Variants in ST14 observed in about 807,000 individuals in gnomAD.
ST14 encodes the protein ST14 transmembrane serine protease matriptase, also known as suppressor of tumorigenicity 14 protein.
Under a neutral mutation model 96.5 loss-of-function variants are expected in ST14, and 40 were observed. The observed-to-expected ratio is 0.41, with a 90% CI of 0.32 to 0.54. The LOEUF (loss-of-function observed/expected upper bound fraction) is 0.54, where lower values mean the gene tolerates loss of function less well. Ranked by LOEUF, ST14 falls within the 20% of genes least tolerant of loss-of-function variation. The pLI, the probability that ST14 is intolerant of heterozygous loss-of-function variation, is 0.17. For synonymous variants in ST14, 506 were observed against 492.1 expected, an observed-to-expected ratio of 1.03 and a Z score of -0.37; for missense variants, 1,066 against 1,188.9, an observed-to-expected ratio of 0.90 and a Z score of 1.52.
chr11:130,176,630 C>T (rs1302991238), intron 1 of ST14, among the ~76,000 whole-genome samples: 1 of 151,878 alleles, frequency 6.6e-6, no homozygotes, highest in Non-Finnish European at 1.5e-5. Flanking sequence ...CCTCATGATC[C>T]GCCTGCCTCG....
chr11:130,201,620 C>A (rs1953429363), intron 16 of ST14, among the ~76,000 whole-genome samples: 1 of 152,254 alleles, frequency 6.6e-6, no homozygotes. Flanking sequence ...ACTGTGTCAC[C>A]CAGGCTGAAG....
At chr11:130,179,032 G>A (rs1953166270) in intron 1 of ST14, among the ~76,000 whole-genome samples, 1 of 152,190 alleles carries the variant, frequency 6.6e-6, no homozygotes, top group Non-Finnish European at 1.5e-5. Context: ...CTTCATCCCA[G>A]GTGGTTGCTC....
intron 4 of ST14, 91 bp from the exon 5 acceptor site, chr11:130,189,648 C>T (rs919782435): frequency 6.4e-7 from 1 of 1,562,766 alleles, no homozygotes; most frequent in Admixed American, 1.7e-5. Flanking sequence ...CAGGTGTGCC[C>T]CGAGCCGCCC....
intron 1 of ST14, among the ~76,000 whole-genome samples, chr11:130,176,957 C>A (rs899258737): frequency 3.3e-5 from 5 of 151,474 alleles, no homozygotes; most frequent in African/African-American, 1.2e-4. Flanking sequence ...TACTACCGCA[C>A]CTGGCTAATT....
In ST14 at chr11:130,196,431, G is replaced by A; in HGVS notation, c.1206G>A (p.Val402=). 1 of 1,609,156 alleles carries A rather than the reference G, an allele frequency of 6.2e-7. No homozygotes were observed. The change falls in exon 10 of 19, where the codon GTG becomes GTA. Residue 402 remains valine, a synonymous_variant. Transcript: ENST00000278742. ...VPAGTCPKDY[V]EINGEKYCGE... ...CGGGCACCTGCCCCAAGGACTACGT[G>A]GAGATCAACGGGGAGAAGTGAGTCC... is the stretch of plus-strand genomic sequence containing the variant.
Position 130,208,527 on chromosome 11 carries a change from T to A in ST14, c.2112T>A (p.Asn704Lys), listed in dbSNP as rs147580389. 1.2e-6 allele frequency: 2 copies of A among 1,614,088 alleles called. No individual in the cohort carries two copies. Among genetic ancestry groups the A allele is most frequent in the African/African-American group, 2.7e-5 (2 of 74,942 alleles). ...GCATCATCTCCCACCCCTTCTTCAA[T>A]GACTTCACCTTCGACTATGACATCG... ...LKRIISHPFF[N>K]DFTFDYDIAL... The change falls in exon 17 of 19, where the codon AAT (asparagine) becomes AAA (lysine). Residue 704 changes from asparagine to lysine, a missense_variant. Transcript: ENST00000278742.
intron 1 of ST14, among the ~76,000 whole-genome samples, chr11:130,173,894 C>G (rs150969060): frequency 0.019 from 2,905 of 152,348 alleles, 31 homozygotes; most frequent in Non-Finnish European, 0.031. Context: ...GTTTACCCCA[C>G]AAGACCAGAG....
chr11:130,178,773 C>T (rs1486764335), intron 1 of ST14, among the ~76,000 whole-genome samples: 1 of 152,184 alleles, frequency 6.6e-6, no homozygotes, highest in African/African-American at 2.4e-5. Context: ...TGTTTTCCAG[C>T]AGCTCCTTCT....
intron 1 of ST14, among the ~76,000 whole-genome samples, chr11:130,178,323 C>T (rs1488209388): frequency 6.6e-6 from 1 of 152,204 alleles, no homozygotes; most frequent in Non-Finnish European, 1.5e-5. Flanking sequence ...ATGCTGGGTG[C>T]TTATCACGAA....
intron 1 of ST14, among the ~76,000 whole-genome samples, chr11:130,179,086 G>A (rs1953166850): frequency 6.6e-6 from 1 of 152,164 alleles, no homozygotes; most frequent in African/African-American, 2.4e-5. Context: ...TCCTCCTGGT[G>A]ACAGGAAGGG....
intron 1 of ST14, among the ~76,000 whole-genome samples, chr11:130,164,247 T>C (rs1391674836): frequency 6.6e-6 from 1 of 152,202 alleles, no homozygotes. Context: ...TGAACACTAA[T>C]AATCGTTAGC....
intron 17 of ST14, 83 bp downstream of exon 17, chr11:130,208,767 G>A (rs1440389332): frequency 6.8e-7 from 1 of 1,478,292 alleles, no homozygotes. Flanking sequence ...GTCCGGTCTC[G>A]GGGCGGGGGG....
intron 1 of ST14, among the ~76,000 whole-genome samples, chr11:130,162,154 AC>A (rs1953003298): frequency 6.6e-6 from 1 of 152,026 alleles, no homozygotes; most frequent in South Asian, 2.1e-4. Context: ...CCATCCGTGC[AC>A]CCTTGTTTGG....
At position 130,159,858 on chromosome 11, in the gene ST14, G is replaced by A. The variant is rs950628830; in HGVS notation, c.-122G>A. On this transcript the variant is annotated 5_prime_UTR_variant, in exon 1 of 19. Transcript: ENST00000278742. ...CAGGGCGAGGGCACCGCCGCCGGTC[G>A]GGCGCGCTGGGCCTGCCCGGAATCC... 5.4e-6 allele frequency: 2 copies of A among 370,146 alleles called. No individual in the cohort carries two copies. The highest frequency in any genetic ancestry group is 8.5e-6 in the Non-Finnish European group (2 of 234,424). 22.9% of individuals were successfully genotyped at this position (370,146 alleles called of 1,614,324 possible). A position where few individuals can be genotyped will look rare whatever the true frequency, so the allele number is the denominator to read the frequency against.
intron 1 of ST14, among the ~76,000 whole-genome samples, chr11:130,172,954 C>G (rs898586044): frequency 5.9e-5 from 9 of 152,196 alleles, no homozygotes; most frequent in Admixed American, 5.9e-4. Flanking sequence ...AAAGAACCAG[C>G]TTCAGTGAGG....
intron 4 of ST14, chr11:130,189,487 C>T: frequency 1.8e-6 from 1 of 569,284 alleles, no homozygotes; most frequent in East Asian, 3.0e-5. Flanking sequence ...GGTTTCCCCT[C>T]CTCATTCCTA....
intron 14 of ST14, 37 bp from the exon 15 acceptor site, chr11:130,198,910 G>A: frequency 1.2e-6 from 2 of 1,613,226 alleles, no homozygotes; most frequent in Non-Finnish European, 1.7e-6. Flanking sequence ...ATGCTGCAGA[G>A]GAATTGAGCC....
intron 4 of ST14, 133 bp from the exon 5 acceptor site, chr11:130,189,606 A>G (rs757477356): frequency 8.6e-7 from 1 of 1,157,090 alleles, no homozygotes; most frequent in Non-Finnish European, 1.2e-6. Context: ...ACACAAGAGG[A>G]GCTGGGGAAG....
At chr11:130,169,790 C>G (rs1953073672) in intron 1 of ST14, among the ~76,000 whole-genome samples, 2 of 152,186 alleles carry the variant, frequency 1.3e-5, no homozygotes, top group Non-Finnish European at 2.9e-5. Context: ...GAAAGGCACA[C>G]TAGCTCGTGA....
Sources: allele counts gnomAD v4.1 joint callset (sites outside exome capture counted in the v4.1 genomes callset), GRCh38; gene constraint gnomAD v4.1.1; transcripts MANE v1.5; gene names NCBI Gene and HGNC (gene_info 2026-07-23, HGNC 2026-07-21).